The following PDZD2 variants were observed in gnomAD, a reference collection of about 807,000 sequenced individuals.
PDZD2 encodes PDZ domain containing 2, also known as PDZ domain-containing protein 2.
PDZD2 carries 90 observed loss-of-function variants against 220.7 expected under a neutral mutation model. The ratio of observed to expected loss-of-function variants is 0.41; its 90% CI spans 0.34 to 0.49. The LOEUF (loss-of-function observed/expected upper bound fraction) is 0.49. Among genes scored for constraint, PDZD2 ranks in the 20% least tolerant of loss-of-function variants. The pLI, the probability that PDZD2 is intolerant of heterozygous loss-of-function variation, is 0.28. For synonymous variants in PDZD2, 1,375 were observed against 1,450.5 expected, an observed-to-expected ratio of 0.95 and a Z score of 1.18; for missense variants, 3,174 against 3,608.5, an observed-to-expected ratio of 0.88 and a Z score of 3.08.
intron 5 of PDZD2, among the ~76,000 whole-genome samples, chr5:32,004,221 C>T (rs1752632584): frequency 6.6e-6 from 1 of 152,108 alleles, no homozygotes; most frequent in Admixed American, 6.5e-5. Flanking sequence ...GAAGAAAGCA[C>T]GCTGCATGTA....
In PDZD2 at chr5:32,110,384, CA is replaced by C. The variant is rs1745272002; in HGVS notation, c.*2250del. Reference sequence around the variant, plus strand: ...CCAGAAGGTTTCCCTCGCCAACAAACAGTTGAAATTTAAGGGAAGAAGCAAA... The same window carrying C: ...CCAGAAGGTTTCCCTCGCCAACAAACGTTGAAATTTAAGGGAAGAAGCAAA... On this transcript the variant is annotated 3_prime_UTR_variant, in exon 25 of 25. Transcript: ENST00000438447. The C allele has an allele frequency of 6.6e-6, 1 of 152,640 alleles. No homozygotes were observed. The highest frequency in any genetic ancestry group is 2.4e-5 in the African/African-American group (1 of 41,456). 9.5% of individuals were successfully genotyped at this position (152,640 alleles called of 1,614,324 possible).
At chr5:31,869,357 CT>C (rs1409000237) in intron 2 of PDZD2, among the ~76,000 whole-genome samples, 1 of 152,048 alleles carries the variant, frequency 6.6e-6, no homozygotes, top group Non-Finnish European at 1.5e-5. Flanking sequence ...CAGTCCATCT[CT>C]TTTTTTCTGC....
chr5:31,953,059 CAA>C (rs776311443), intron 2 of PDZD2, among the ~76,000 whole-genome samples: 10 of 53,990 alleles, frequency 1.9e-4, no homozygotes, highest in Admixed American at 6.3e-4. Flanking sequence ...GACTCCATCT[CAA>C]AAAAAAAAAA....
intron 2 of PDZD2, among the ~76,000 whole-genome samples, chr5:31,811,689 C>CT (rs1311174101): frequency 6.6e-6 from 1 of 151,980 alleles, no homozygotes; most frequent in Non-Finnish European, 1.5e-5. Flanking sequence ...GAGTGGATAG[C>CT]CTTAAATTTT....
At chr5:32,042,987 A>C (rs539413719) in intron 7 of PDZD2, among the ~76,000 whole-genome samples, 88 of 152,320 alleles carry the variant, frequency 5.8e-4, no homozygotes, top group African/African-American at 2.1e-3. Context: ...AGAGAATCCC[A>C]AAGGTCACTC....
intron 2 of PDZD2, among the ~76,000 whole-genome samples, chr5:31,978,206 C>G (rs954157658): frequency 3.3e-5 from 5 of 152,058 alleles, no homozygotes; most frequent in East Asian, 1.9e-4. Flanking sequence ...GGAGAGGAAG[C>G]CTTCTGTTTT....
intron 2 of PDZD2, among the ~76,000 whole-genome samples, chr5:31,837,245 C>T (rs1468419188): frequency 6.6e-6 from 1 of 152,028 alleles, no homozygotes; most frequent in Admixed American, 6.6e-5. Flanking sequence ...GTGAACTAGT[C>T]TCATACACAC....
intron 2 of PDZD2, among the ~76,000 whole-genome samples, chr5:31,925,395 A>G (rs1216935669): frequency 6.6e-6 from 1 of 152,232 alleles, no homozygotes; most frequent in African/African-American, 2.4e-5. Context: ...GTGCTGGGAT[A>G]TCTGGTTAGC....
At position 31,818,298 on chromosome 5, in the gene PDZD2, G is replaced by T. The variant is rs371042045; in HGVS notation, c.476+18574G>T. Among the ~76,000 whole-genome samples the T allele has an allele frequency of 1.3e-3, 199 of 152,152 alleles. 1 individual carries two copies. Among genetic ancestry groups the T allele is most frequent in the African/African-American group, 4.5e-3 (187 of 41,526 alleles). On this transcript the variant is annotated intron_variant, in intron 2 of 24. Coordinates refer to ENST00000438447, the MANE Select transcript of PDZD2 (RefSeq NM_178140.4). ...CTCAATTTTCGTTTTTTACTGACAG[G>T]CATGAAAAATCAAAATTTCGAAAGT... is the stretch of plus-strand genomic sequence containing the variant.
intron 2 of PDZD2, among the ~76,000 whole-genome samples, chr5:31,949,444 A>G (rs557027842): frequency 1.3e-5 from 2 of 152,204 alleles, no homozygotes; most frequent in Admixed American, 1.3e-4. Flanking sequence ...GAAAGCTCAC[A>G]GATACCAAAT....
At chr5:31,774,605 A>G (rs770866046) in intron 1 of PDZD2, among the ~76,000 whole-genome samples, 1 of 151,684 alleles carries the variant, frequency 6.6e-6, no homozygotes, top group Non-Finnish European at 1.5e-5. Context: ...AATCCCAGCT[A>G]TTTGGGAGGC....
At chr5:32,084,420 A>G (rs957552572) in intron 19 of PDZD2, among the ~76,000 whole-genome samples, 1 of 152,246 alleles carries the variant, frequency 6.6e-6, no homozygotes, top group African/African-American at 2.4e-5. Context: ...GTCACAGGAC[A>G]TACCTCAGTG....
chr5:32,019,689 A>T (rs1754042862), intron 6 of PDZD2, among the ~76,000 whole-genome samples: 1 of 152,210 alleles, frequency 6.6e-6, no homozygotes, highest in African/African-American at 2.4e-5. Context: ...AGTTAAAAAA[A>T]TTTCCTTAGT....
chr5:31,702,751 T>G (rs1372893291), intron 1 of PDZD2, among the ~76,000 whole-genome samples: 2 of 152,248 alleles, frequency 1.3e-5, no homozygotes, highest in African/African-American at 4.8e-5. Flanking sequence ...ATACTCAGCA[T>G]TTGAGACTCA....
At chr5:31,842,665 A>G (rs1041223007) in intron 2 of PDZD2, among the ~76,000 whole-genome samples, 1 of 152,170 alleles carries the variant, frequency 6.6e-6, no homozygotes, top group Non-Finnish European at 1.5e-5. Flanking sequence ...AATATCTATC[A>G]TTCCTTCTTT....
intron 6 of PDZD2, among the ~76,000 whole-genome samples, chr5:32,019,618 G>A (rs975592973): frequency 6.6e-5 from 10 of 152,264 alleles, no homozygotes; most frequent in Middle Eastern, 3.4e-3. Context: ...TACGTTAGGC[G>A]TGCTTGATGG....
intron 2 of PDZD2, among the ~76,000 whole-genome samples, chr5:31,885,764 T>C (rs927374382): frequency 6.6e-6 from 1 of 152,136 alleles, no homozygotes; most frequent in African/African-American, 2.4e-5. Context: ...TATACGAATA[T>C]AGCATTAGAT....
intron 1 of PDZD2, among the ~76,000 whole-genome samples, chr5:31,667,598 C>T (rs1332810009): frequency 6.6e-6 from 1 of 152,056 alleles, no homozygotes; most frequent in Admixed American, 6.6e-5. Flanking sequence ...GGAGGGCCAC[C>T]AAGAAGGAAC....
chr5:31,925,279 G>A (rs1303320759), intron 2 of PDZD2, among the ~76,000 whole-genome samples: 9 of 151,926 alleles, frequency 5.9e-5, no homozygotes, highest in Admixed American at 2.0e-4. Context: ...CAAACCAATG[G>A]AACAAAATAG....
Sources: allele counts gnomAD v4.1 joint callset (sites outside exome capture counted in the v4.1 genomes callset), GRCh38; gene constraint gnomAD v4.1.1; transcripts MANE v1.5; gene names NCBI Gene and HGNC (gene_info 2026-07-23, HGNC 2026-07-21).